Variants in DYSF observed in about 807,000 individuals in gnomAD.
DYSF encodes the protein dysferlin.
DYSF carries 212 observed loss-of-function variants against 274.9 expected under a neutral mutation model. The ratio of observed to expected loss-of-function variants is 0.77; its 90% CI spans 0.69 to 0.86. DYSF has a LOEUF of 0.86. Ranked by LOEUF, DYSF falls within the 40% of genes least tolerant of loss-of-function variation. The probability of loss-of-function intolerance (pLI) is 0.00; values close to 1 mark genes in which losing one functional copy is unlikely to be tolerated. For missense variants in DYSF, 2,666 were observed against 2,783.2 expected, an observed-to-expected ratio of 0.96 and a Z score of 0.95; for synonymous variants, 1,091 against 1,078.7, an observed-to-expected ratio of 1.01 and a Z score of -0.22.
rs764899467 is a variant in DYSF at position 71,507,217 on chromosome 2, G to A, written c.345+3898G>A. ...GCCCCCAGGTGGTGTGCAGTGAGTG[G>A]ATAGCAGGGTGAGCCCCTAGAAACA... On this transcript the variant is annotated intron_variant, in intron 4 of 55. Coordinates refer to ENST00000410020, the MANE Select transcript of DYSF (RefSeq NM_001130987.2). Among the ~76,000 whole-genome samples, 4 of 152,232 alleles carry A rather than the reference G, an allele frequency of 2.6e-5. No individual in the cohort carries two copies. In the South Asian group the frequency reaches 6.2e-4, roughly 24 times the overall value.
intron 10 of DYSF, among the ~76,000 whole-genome samples, chr2:71,518,683 C>G (rs1460969111): frequency 6.6e-6 from 1 of 152,134 alleles, no homozygotes; most frequent in Admixed American, 6.5e-5. Flanking sequence ...TCCCCTCTAT[C>G]CAAGTATATC....
intron 30 of DYSF, among the ~76,000 whole-genome samples, chr2:71,576,641 A>T (rs376313114): frequency 3.9e-5 from 6 of 152,352 alleles, no homozygotes; most frequent in African/African-American, 1.4e-4. Context: ...TGAGGGAGAC[A>T]GAGCTGACGG....
rs761043181 is a variant in DYSF at position 71,539,282 on chromosome 2, C to T, written c.1576+43C>T. ...TCTGCCCTTTGACCCCCTGTGCTCTCCCCCGTACCCCCTCTATCCAGCTTA... is the reference window on the plus strand; with the variant it reads ...TCTGCCCTTTGACCCCCTGTGCTCTTCCCCGTACCCCCTCTATCCAGCTTA... On this transcript the variant is annotated intron_variant, in intron 17 of 55. Transcript: ENST00000410020. 8 of 1,530,318 alleles carry T rather than the reference C, an allele frequency of 5.2e-6. No homozygotes were observed. The Admixed American group carries it at 1.0e-4, about 19-fold the overall frequency. The allele number at this position is 1,530,318 out of a possible 1,614,324, so 94.8% of individuals were successfully genotyped here. A position where few individuals can be genotyped will look rare whatever the true frequency, so the allele number is the denominator to read the frequency against.
At chr2:71,526,075 G>A in intron 12 of DYSF, 145 bp from the exon 13 acceptor site, 1 of 1,446,296 alleles carries the variant, frequency 6.9e-7, no homozygotes, top group African/African-American at 1.4e-5. Context: ...CCTTGCCCGA[G>A]ACCACGCGGT....
At chr2:71,515,243 G>A (rs1047952407) in intron 7 of DYSF, among the ~76,000 whole-genome samples, 11 of 152,056 alleles carry the variant, frequency 7.2e-5, no homozygotes, top group African/African-American at 2.4e-4. Flanking sequence ...GTGTAAGTTC[G>A]ACCTCTGAGG....
At chr2:71,483,789 G>A (rs1163533393) in intron 3 of DYSF, among the ~76,000 whole-genome samples, 4 of 152,106 alleles carry the variant, frequency 2.6e-5, no homozygotes, top group African/African-American at 9.7e-5. Context: ...TGATGGCAGA[G>A]CTGTGATTGG....
At chr2:71,655,822 C>A (rs1380051062) in intron 42 of DYSF, among the ~76,000 whole-genome samples, 1 of 152,170 alleles carries the variant, frequency 6.6e-6, no homozygotes, top group Admixed American at 6.5e-5. Context: ...CAGGTACTTA[C>A]AATATTTTAT....
chr2:71,553,867 A>C lies in DYSF; in HGVS notation c.2045A>C (p.Tyr682Ser), dbSNP rs200380100. ...NVKPVVVLSS[Y>S]WEDISHRIET... ...AAACCTGTGGTGGTGCTGTCATCCT[A>C]CTGGGAGGACATCAGCCATAGAATC... Residue 682 changes from tyrosine (Y) to serine (S), a missense_variant, in exon 21 of 56, where the codon TAC becomes TCC. Coordinates refer to ENST00000410020, the MANE Select transcript of DYSF (RefSeq NM_001130987.2). 2 of 1,613,528 alleles carry C rather than the reference A, an allele frequency of 1.2e-6. No individual in the cohort carries two copies. Among genetic ancestry groups the C allele is most frequent in the East Asian group, 4.5e-5 (2 of 44,830 alleles).
At chr2:71,635,585 T>TA (rs2094387205) in intron 41 of DYSF, among the ~76,000 whole-genome samples, 1 of 151,788 alleles carries the variant, frequency 6.6e-6, no homozygotes, top group Non-Finnish European at 1.5e-5. Context: ...CCATCTCTAC[T>TA]AAAAATAACA....
At chr2:71,551,759 G>C in intron 19 of DYSF, 39 bp downstream of exon 19, 1 of 1,531,030 alleles carries the variant, frequency 6.5e-7, no homozygotes, top group African/African-American at 1.4e-5. Flanking sequence ...GGGCGTCGGG[G>C]CAGGGAAGGG....
At chr2:71,563,514 C>G (rs935616848) in intron 23 of DYSF, among the ~76,000 whole-genome samples, 3 of 152,176 alleles carry the variant, frequency 2.0e-5, no homozygotes, top group African/African-American at 7.2e-5. Context: ...CAGTTTTGTT[C>G]TGGACTAGTC....
intron 41 of DYSF, among the ~76,000 whole-genome samples, chr2:71,639,229 C>G (rs1238150535): frequency 6.6e-6 from 1 of 151,894 alleles, no homozygotes; most frequent in Non-Finnish European, 1.5e-5. Flanking sequence ...GATACAAATC[C>G]CTTATCAAAT....
intron 45 of DYSF, among the ~76,000 whole-genome samples, chr2:71,661,359 A>G (rs1357057249): frequency 1.3e-5 from 2 of 152,216 alleles, no homozygotes; most frequent in Admixed American, 6.5e-5. Context: ...TGTCAAAATG[A>G]AGAAATCATC....
chr2:71,521,697 C>G (rs548798838), intron 12 of DYSF, among the ~76,000 whole-genome samples: 1 of 152,142 alleles, frequency 6.6e-6, no homozygotes, highest in Admixed American at 6.5e-5. Flanking sequence ...CCCATCCTCA[C>G]CACACACTGG....
chr2:71,658,659 C>T (rs1297774888), intron 43 of DYSF, among the ~76,000 whole-genome samples: 1 of 152,154 alleles, frequency 6.6e-6, no homozygotes, highest in Non-Finnish European at 1.5e-5. Flanking sequence ...AAAGCAGAAA[C>T]ACCTGATAAA....
intron 30 of DYSF, among the ~76,000 whole-genome samples, chr2:71,579,068 C>T (rs965284771): frequency 2.0e-5 from 3 of 152,180 alleles, no homozygotes; most frequent in Non-Finnish European, 2.9e-5. Flanking sequence ...TATTATAGCG[C>T]GTTCCATCCA....
intron 14 of DYSF, among the ~76,000 whole-genome samples, chr2:71,528,989 C>T (rs751561419): frequency 2.0e-5 from 3 of 152,098 alleles, no homozygotes; most frequent in Admixed American, 6.5e-5. Flanking sequence ...CCAGCCCTCC[C>T]AGGCTTCAGC....
At chr2:71,648,554 A>C (rs1441205138) in intron 42 of DYSF, among the ~76,000 whole-genome samples, 1 of 152,150 alleles carries the variant, frequency 6.6e-6, no homozygotes, top group African/African-American at 2.4e-5. Context: ...AAAAAATTAC[A>C]GAAAAAACCA....
chr2:71,453,951 C>A, exon 1 of DYSF: 1 of 1,601,578 alleles, frequency 6.2e-7, no homozygotes, highest in Non-Finnish European at 8.5e-7. Context: ...CCGACCTTTC[C>A]GAGCCCTCTT....
Sources: allele counts gnomAD v4.1 joint callset (sites outside exome capture counted in the v4.1 genomes callset), GRCh38; gene constraint gnomAD v4.1.1; transcripts MANE v1.5; gene names NCBI Gene and HGNC (gene_info 2026-07-23, HGNC 2026-07-21).